Variants in RNF130 observed in about 807,000 individuals in gnomAD.
RNF130 encodes the protein ring finger protein 130, also known as E3 ubiquitin-protein ligase RNF130.
In RNF130, 21 loss-of-function variants were observed where a neutral mutation model predicts 44.6. The observed-to-expected ratio is 0.47, with a 90% CI of 0.33 to 0.68. The LOEUF (loss-of-function observed/expected upper bound fraction) is 0.68. Ranked by LOEUF, RNF130 falls within the 30% of genes least tolerant of loss-of-function variation. The pLI is 0.02. For missense variants in RNF130, 479 were observed against 560.6 expected (o/e 0.85, Z 1.47); for synonymous variants, 214 against 210.4 (o/e 1.02, Z -0.15).
intron 7 of RNF130, among the ~76,000 whole-genome samples, chr5:179,924,712 C>A (rs1272147578): frequency 6.6e-6 from 1 of 152,112 alleles, no homozygotes; most frequent in African/African-American, 2.4e-5. Flanking sequence ...TTGCTTAAAC[C>A]TGGGAGGTGG....
chr5:180,005,672 A>T (rs1763449281), intron 3 of RNF130, among the ~76,000 whole-genome samples: 1 of 152,062 alleles, frequency 6.6e-6, no homozygotes, highest in African/African-American at 2.4e-5. Context: ...GTCTTAATTC[A>T]TCCTTTAAAA....
intron 2 of RNF130, among the ~76,000 whole-genome samples, chr5:180,034,623 A>G (rs116367771): frequency 6.6e-6 from 1 of 152,274 alleles, no homozygotes; most frequent in African/African-American, 2.4e-5. Context: ...GTCAGTATAC[A>G]GAAAAAAGTA....
chr5:180,045,028 G>A (rs1764524690), intron 1 of RNF130, among the ~76,000 whole-genome samples: 1 of 152,094 alleles, frequency 6.6e-6, no homozygotes, highest in African/African-American at 2.4e-5. Flanking sequence ...GGAAGGAGGT[G>A]GATACGCAAG....
intron 2 of RNF130, among the ~76,000 whole-genome samples, chr5:180,020,733 G>A (rs116180867): frequency 5.3e-5 from 8 of 152,084 alleles, no homozygotes; most frequent in Admixed American, 5.2e-4. Context: ...AAAGAAAAGG[G>A]GGCAGGAGCA....
intron 2 of RNF130, among the ~76,000 whole-genome samples, chr5:180,028,574 G>A (rs892963535): frequency 3.9e-5 from 6 of 152,006 alleles, no homozygotes; most frequent in South Asian, 2.1e-4. Context: ...AACCCCTTTC[G>A]TAATAACACT....
At chr5:179,948,678 A>G (rs1275931054) in intron 7 of RNF130, among the ~76,000 whole-genome samples, 1 of 152,204 alleles carries the variant, frequency 6.6e-6, no homozygotes, top group African/African-American at 2.4e-5. Flanking sequence ...CTGTCTCAAA[A>G]AAAGAGAGAG....
downstream of RNF130, among the ~76,000 whole-genome samples, chr5:179,950,809 A>G (rs757734433): frequency 7.2e-5 from 11 of 152,292 alleles, no homozygotes; most frequent in Non-Finnish European, 1.0e-4. Context: ...AAAGTCCTAC[A>G]CCTCCTGATG....
At chr5:180,071,325 T>A (rs1176242616) in intron 1 of RNF130, 131 bp downstream of exon 1, 5 of 913,454 alleles carry the variant, frequency 5.5e-6, no homozygotes, top group Non-Finnish European at 7.1e-6. Flanking sequence ...GACGGAAGCC[T>A]CGACCCTGGC....
At chr5:179,930,530 T>C (rs1033749384) in intron 7 of RNF130, among the ~76,000 whole-genome samples, 2 of 152,234 alleles carry the variant, frequency 1.3e-5, no homozygotes, top group East Asian at 1.9e-4. Context: ...TTACACCTTT[T>C]ATTTCTTTTT....
chr5:179,922,022 A>G (rs1761639782), intron 7 of RNF130, among the ~76,000 whole-genome samples: 1 of 151,742 alleles, frequency 6.6e-6, no homozygotes, highest in African/African-American at 2.4e-5. Flanking sequence ...CTCCGTCTGA[A>G]AAAAGAAAAA....
intron 1 of RNF130, among the ~76,000 whole-genome samples, chr5:180,048,019 G>C (rs1184089527): frequency 1.3e-5 from 2 of 150,338 alleles, no homozygotes; most frequent in Non-Finnish European, 3.0e-5. Context: ...TTTTTTATTG[G>C]AACAACAATG....
At chr5:179,943,967 C>T (rs2113684245) in intron 7 of RNF130, among the ~76,000 whole-genome samples, 1 of 151,994 alleles carries the variant, frequency 6.6e-6, no homozygotes, top group South Asian at 2.1e-4. Context: ...CTCTTTATTT[C>T]TGAGAAATTT....
intron 3 of RNF130, among the ~76,000 whole-genome samples, chr5:179,982,098 C>T (rs1762853499): frequency 6.6e-6 from 1 of 151,978 alleles, no homozygotes. Flanking sequence ...CTACTTTTTG[C>T]TGTAACAGTC....
chr5:180,035,322 C>T (rs1764226043), intron 2 of RNF130, among the ~76,000 whole-genome samples: 1 of 152,160 alleles, frequency 6.6e-6, no homozygotes, highest in African/African-American at 2.4e-5. Flanking sequence ...ATTTCAAAGA[C>T]TTGGGAATTT....
exon 8 of RNF130, chr5:179,919,433 A>C (rs938304375): frequency 6.6e-6 from 1 of 152,386 alleles, no homozygotes; most frequent in Admixed American, 6.5e-5. Flanking sequence ...GGTCTTCCCA[A>C]TGAGACATTC....
intron 7 of RNF130, among the ~76,000 whole-genome samples, chr5:179,966,435 C>T (rs188969656): frequency 6.1e-4 from 93 of 152,268 alleles, no homozygotes; most frequent in Non-Finnish European, 1.1e-3. Context: ...GTGGAGAGCA[C>T]GAGCGCTCAC....
intron 2 of RNF130, among the ~76,000 whole-genome samples, chr5:180,032,874 G>A (rs761652488): frequency 7.2e-5 from 11 of 152,102 alleles, no homozygotes; most frequent in Non-Finnish European, 1.0e-4. Context: ...ATTTGCATAG[G>A]TACATACCAC....
intron 7 of RNF130, among the ~76,000 whole-genome samples, chr5:179,940,523 C>G (rs1220354521): frequency 6.6e-6 from 1 of 152,168 alleles, no homozygotes; most frequent in Non-Finnish European, 1.5e-5. Context: ...AGGCATGAGC[C>G]ACTGTGCCCG....
chr5:180,064,363 A>C (rs1035187616), intron 1 of RNF130, among the ~76,000 whole-genome samples: 1 of 152,162 alleles, frequency 6.6e-6, no homozygotes, highest in Non-Finnish European at 1.5e-5. Context: ...TCTATGAAAA[A>C]AGCAAATTCA....
Sources: allele counts gnomAD v4.1 joint callset (sites outside exome capture counted in the v4.1 genomes callset), GRCh38; gene constraint gnomAD v4.1.1; transcripts MANE v1.5; gene names NCBI Gene and HGNC (gene_info 2026-07-23, HGNC 2026-07-21).